The following TRAPPC9 variants were observed in gnomAD, a reference collection of about 807,000 sequenced individuals.
TRAPPC9 encodes the protein trafficking protein particle complex subunit 9, also known as IKK2 binding protein.
In TRAPPC9, 83 loss-of-function variants were observed where a neutral mutation model predicts 124.0. The observed-to-expected ratio is 0.67, with a 90% CI of 0.56 to 0.80. The LOEUF (loss-of-function observed/expected upper bound fraction) is 0.80. Ranked by LOEUF, TRAPPC9 falls within the 30% of genes least tolerant of loss-of-function variation. The pLI is 0.00. For missense variants in TRAPPC9, 1,302 were observed against 1,508.3 expected (o/e 0.86, Z 2.27); for synonymous variants, 638 against 617.5 (o/e 1.03, Z -0.49).
chr8:140,265,919 C>T (rs559794773), intron 15 of TRAPPC9, among the ~76,000 whole-genome samples: 11 of 152,162 alleles, frequency 7.2e-5, no homozygotes, highest in African/African-American at 1.4e-4. Context: ...TATAACAATA[C>T]GGAGCCATCA....
rs866837088 is a variant in TRAPPC9 at position 140,304,093 on chromosome 8, A to C, written c.1623-3479T>G. Among the ~76,000 whole-genome samples the C allele has an allele frequency of 7.9e-4, 111 of 140,888 alleles. 1 individual carries two copies. The highest frequency in any genetic ancestry group is 7.4e-3 in the Middle Eastern group (2 of 272). The allele number at this position is 140,888 out of a possible 152,430, so 92.4% of individuals were successfully genotyped here. ...GGGCTGACCTGCAATGCCTGACTTAATTTTTTTTTTTTTTTTTTGAGACAG... is the reference window on the plus strand; with the variant it reads ...GGGCTGACCTGCAATGCCTGACTTACTTTTTTTTTTTTTTTTTTGAGACAG... On this transcript the variant is annotated intron_variant, in intron 10 of 22. Coordinates refer to ENST00000438773, the MANE Select transcript of TRAPPC9 (RefSeq NM_001160372.4).
chr8:140,309,203 A>G (rs951812798), intron 10 of TRAPPC9, among the ~76,000 whole-genome samples: 6 of 152,274 alleles, frequency 3.9e-5, no homozygotes, highest in African/African-American at 1.4e-4. Context: ...AATGTCTCCA[A>G]GAAGAAAACC....
At chr8:140,042,130 CCTT>C (rs1459181680) in intron 17 of TRAPPC9, among the ~76,000 whole-genome samples, 1 of 151,762 alleles carries the variant, frequency 6.6e-6, no homozygotes, top group Non-Finnish European at 1.5e-5. Flanking sequence ...AGGAAAGTAT[CCTT>C]CTTAGGAGGC....
intron 19 of TRAPPC9, among the ~76,000 whole-genome samples, chr8:139,927,655 G>A (rs906232612): frequency 6.6e-6 from 1 of 152,204 alleles, no homozygotes; most frequent in Non-Finnish European, 1.5e-5. Flanking sequence ...GTCTGTTGAG[G>A]AATGGTTATG....
At chr8:140,418,780 A>G (rs2070046562) in intron 5 of TRAPPC9, among the ~76,000 whole-genome samples, 1 of 151,998 alleles carries the variant, frequency 6.6e-6, no homozygotes, top group Non-Finnish European at 1.5e-5. Flanking sequence ...ATAGACAGAC[A>G]GACAGACAGA....
intron 11 of TRAPPC9, among the ~76,000 whole-genome samples, chr8:140,296,061 CG>C (rs2065795091): frequency 6.6e-6 from 1 of 152,190 alleles, no homozygotes; most frequent in East Asian, 1.9e-4. Flanking sequence ...GCATGGAGCC[CG>C]GGGAATGTCA....
rs774147262 is a variant in TRAPPC9 at position 140,291,091 on chromosome 8, C to T, written c.1769-13G>A. ...ACCCACTGGAAATCTAGAAAATACA[C>T]ACACATAAATGAATCCATGTATTAG... On this transcript the variant is annotated splice_polypyrimidine_tract_variant and intron_variant, in intron 11 of 22. Coordinates refer to ENST00000438773, the MANE Select transcript of TRAPPC9 (RefSeq NM_001160372.4). 4.3e-5 allele frequency: 70 copies of T among 1,609,954 alleles called. No homozygotes were observed. The highest frequency in any genetic ancestry group is 4.2e-4 in the Admixed American group (25 of 60,004).
intron 20 of TRAPPC9, among the ~76,000 whole-genome samples, chr8:139,906,316 T>C (rs894319275): frequency 7.2e-5 from 11 of 152,218 alleles, no homozygotes; most frequent in East Asian, 1.9e-4. Context: ...GTCTTCATTG[T>C]AATTTCTCTG....
chr8:139,996,418 G>A (rs372321066), intron 18 of TRAPPC9, among the ~76,000 whole-genome samples: 1 of 152,082 alleles, frequency 6.6e-6, no homozygotes, highest in Non-Finnish European at 1.5e-5. Context: ...TGGGGGTGGT[G>A]GGGGAACTCT....
At chr8:139,946,447 TC>T (rs1834218593) in intron 19 of TRAPPC9, among the ~76,000 whole-genome samples, 1 of 152,180 alleles carries the variant, frequency 6.6e-6, no homozygotes. Flanking sequence ...TGACCCTCTC[TC>T]CCTTGTCCTC....
intron 20 of TRAPPC9, among the ~76,000 whole-genome samples, chr8:139,888,327 T>G (rs1359415102): frequency 6.6e-6 from 1 of 152,174 alleles, no homozygotes; most frequent in Non-Finnish European, 1.5e-5. Flanking sequence ...CCCCCACGAA[T>G]GAGCTTTGGT....
intron 17 of TRAPPC9, among the ~76,000 whole-genome samples, chr8:140,049,757 A>G (rs1485086358): frequency 6.6e-6 from 1 of 152,152 alleles, no homozygotes; most frequent in African/African-American, 2.4e-5. Context: ...GAGCGTCTGT[A>G]TCCCACAGGG....
At chr8:140,407,680 C>G (rs1003223444) in intron 5 of TRAPPC9, among the ~76,000 whole-genome samples, 3 of 152,148 alleles carry the variant, frequency 2.0e-5, no homozygotes, top group African/African-American at 7.2e-5. Flanking sequence ...AGTGCAGTGG[C>G]ACGATCTCAG....
At chr8:140,289,852 C>G (rs4451289) in intron 12 of TRAPPC9, among the ~76,000 whole-genome samples, 32,176 of 152,126 alleles carry the variant, frequency 0.21, 4,049 homozygotes, top group East Asian at 0.58. Flanking sequence ...AGGAGAGGCG[C>G]TCCTCCCGAG....
At position 140,130,279 on chromosome 8, in the gene TRAPPC9, C is replaced by T. The variant is rs374899231; in HGVS notation, c.2556+91180G>A. Among the ~76,000 whole-genome samples, 4 of 152,196 alleles carry T rather than the reference C, an allele frequency of 2.6e-5. No homozygotes were observed. The East Asian group carries it at 5.8e-4, about 22-fold the overall frequency. ...TCTTTACATCACTTTACAGCACCTT[C>T]GTAGAAATGCTTCCAAATTTCAGAG... On this transcript the variant is annotated intron_variant, in intron 17 of 22. Transcript: ENST00000438773.
chr8:139,823,311 T>A (rs1363364786), intron 21 of TRAPPC9, among the ~76,000 whole-genome samples: 1 of 151,564 alleles, frequency 6.6e-6, no homozygotes, highest in East Asian at 2.0e-4. Context: ...TGATTTTAAG[T>A]GGGGGAAGCA....
chr8:140,319,539 G>C (rs188707578), intron 9 of TRAPPC9, among the ~76,000 whole-genome samples: 4 of 151,668 alleles, frequency 2.6e-5, no homozygotes, highest in Non-Finnish European at 4.4e-5. Flanking sequence ...ACAGTGGCGC[G>C]ATCTGCAACC....
chr8:139,950,414 C>G (rs1563946195), intron 19 of TRAPPC9, among the ~76,000 whole-genome samples: 1 of 152,220 alleles, frequency 6.6e-6, no homozygotes. Context: ...AATTGAAGTT[C>G]AGGGTGGTTG....
chr8:140,113,680 G>A (rs532111314), intron 17 of TRAPPC9, among the ~76,000 whole-genome samples: 7 of 152,202 alleles, frequency 4.6e-5, no homozygotes, highest in African/African-American at 7.2e-5. Flanking sequence ...CACTTCCTAC[G>A]CCCCAAGTCA....
Sources: gnomAD v4.1 joint callset for allele counts (sites outside exome capture counted in the v4.1 genomes callset) on GRCh38, gnomAD v4.1.1 for gene constraint, MANE v1.5 for transcripts, NCBI Gene and HGNC (gene_info 2026-07-23, HGNC 2026-07-21) for gene names.